TGFBI: variants seen among roughly 807,000 people sequenced by gnomAD.
TGFBI encodes transforming growth factor-beta-induced protein ig-h3.
Under a neutral mutation model 73.7 loss-of-function variants are expected in TGFBI, and 50 were observed. The observed-to-expected ratio is 0.68, with a 90% CI of 0.54 to 0.86. The LOEUF (loss-of-function observed/expected upper bound fraction) is 0.86. TGFBI is among the 40% of genes least tolerant of loss of function. The probability of loss-of-function intolerance (pLI) is 0.00; values close to 1 mark genes in which losing one functional copy is unlikely to be tolerated. For missense variants in TGFBI, 839 were observed against 877.0 expected (o/e 0.96, Z 0.55); for synonymous variants, 362 against 360.5 (o/e 1.00, Z -0.05).
chr5:136,044,278 G>C (rs77954727), intron 3 of TGFBI, among the ~76,000 whole-genome samples, 156 bp downstream of exon 3: 1 of 152,236 alleles, frequency 6.6e-6, no homozygotes, highest in Non-Finnish European at 1.5e-5. Flanking sequence ...GGCTCTATGC[G>C]AGGGGCTGAG....
chr5:136,034,687 C>T (rs1447677311), intron 2 of TGFBI, among the ~76,000 whole-genome samples: 1 of 152,026 alleles, frequency 6.6e-6, no homozygotes, highest in African/African-American at 2.4e-5. Flanking sequence ...TGCCCAGCTC[C>T]CTGGTGGAAT....
Position 136,046,347 on chromosome 5 carries a change from C to T in TGFBI, c.311C>T (p.Ser104Leu). Residue 104 changes from serine (S) to leucine (L), a missense_variant, in exon 4 of 17, where the codon TCA becomes TTA. Transcript: ENST00000442011. ...EKGCPAALPL[S>L]NLYETLGVVG... The stretch of plus-strand genomic sequence containing the variant: ...TCTGCTCCTGCAGCCCTACCACTCT[C>T]AAACCTTTACGAGACCCTGGGAGTC... 1 of 1,613,978 alleles carries T rather than the reference C, an allele frequency of 6.2e-7. No homozygotes were observed. The highest frequency in any genetic ancestry group is 1.1e-5 in the South Asian group (1 of 91,078).
chr5:136,043,935 G>A (rs1751382075), intron 2 of TGFBI, 123 bp from the exon 3 acceptor site: 1 of 769,306 alleles, frequency 1.3e-6, no homozygotes, highest in East Asian at 2.6e-5. Context: ...CTCCTAAGAG[G>A]AGAGTGTTTC....
chr5:136,038,060 A>G lies in TGFBI; in HGVS notation c.233+4199A>G, dbSNP rs1689701769. Among the ~76,000 whole-genome samples the G allele has an allele frequency of 2.6e-5, 4 of 152,316 alleles. No homozygotes were observed. In the South Asian group the frequency reaches 8.3e-4, roughly 32 times the overall value. Reference sequence around the variant, plus strand: ...TGTGCAGCCAGCTGGGATCTCTTGAATAATCTGCTCTGGGGGCACTGAGAT... The same window carrying G: ...TGTGCAGCCAGCTGGGATCTCTTGAGTAATCTGCTCTGGGGGCACTGAGAT... On this transcript the variant is annotated intron_variant, in intron 2 of 16. Coordinates refer to ENST00000442011, the MANE Select transcript of TGFBI (RefSeq NM_000358.3).
At chr5:136,042,454 C>T (rs972194916) in intron 2 of TGFBI, among the ~76,000 whole-genome samples, 2 of 152,232 alleles carry the variant, frequency 1.3e-5, no homozygotes, top group Non-Finnish European at 1.5e-5. Flanking sequence ...GTTTCTCTTA[C>T]ACCACACCAC....
At chr5:136,035,277 A>G (rs562940264) in intron 2 of TGFBI, among the ~76,000 whole-genome samples, 28 of 152,270 alleles carry the variant, frequency 1.8e-4, no homozygotes, top group South Asian at 1.5e-3. Flanking sequence ...ACAAAAGGAG[A>G]CTATGCAAAT....
At chr5:136,058,976 A>G (rs1010509471) in intron 12 of TGFBI, 114 bp from the exon 13 acceptor site, 10 of 1,336,066 alleles carry the variant, frequency 7.5e-6, no homozygotes, top group South Asian at 1.5e-5. Flanking sequence ...TTCCCTGGGC[A>G]GGGAGTTCTT....
chr5:136,052,305 C>T (rs986864920), intron 7 of TGFBI, among the ~76,000 whole-genome samples: 2 of 152,260 alleles, frequency 1.3e-5, no homozygotes, highest in African/African-American at 2.4e-5. Flanking sequence ...ATCACCAAAC[C>T]TTAAGATATA....
At chr5:136,033,705 C>A in intron 1 of TGFBI, 58 bp from the exon 2 acceptor site, 3 of 1,446,804 alleles carry the variant, frequency 2.1e-6, no homozygotes, top group South Asian at 2.4e-5. Flanking sequence ...CGATGGGAGT[C>A]ATTAAAGTGG....
intron 14 of TGFBI, 57 bp from the exon 15 acceptor site, chr5:136,061,443 T>A: frequency 7.6e-7 from 1 of 1,314,760 alleles, no homozygotes; most frequent in East Asian, 2.5e-5. Context: ...ACGGTTGTTA[T>A]GAATGACATG....
intron 7 of TGFBI, among the ~76,000 whole-genome samples, chr5:136,050,876 G>T (rs964181446): frequency 2.6e-5 from 4 of 152,128 alleles, no homozygotes; most frequent in African/African-American, 9.7e-5. Flanking sequence ...GCGCCTGGCC[G>T]GCACTGGGGA....
intron 6 of TGFBI, 54 bp downstream of exon 6, chr5:136,047,474 AG>A: frequency 6.2e-7 from 1 of 1,607,042 alleles, no homozygotes; most frequent in Admixed American, 1.7e-5. Context: ...GCCTCCCAAG[AG>A]GGGCCTAGCA....
intron 1 of TGFBI, among the ~76,000 whole-genome samples, chr5:136,032,752 C>T (rs1392917190): frequency 6.6e-6 from 1 of 152,172 alleles, no homozygotes; most frequent in Non-Finnish European, 1.5e-5. Context: ...CCACGCCTCT[C>T]CTGACTGACC....
At chr5:136,045,097 A>AC (rs1407830759) in intron 3 of TGFBI, among the ~76,000 whole-genome samples, 1 of 152,130 alleles carries the variant, frequency 6.6e-6, no homozygotes, top group Non-Finnish European at 1.5e-5. Context: ...TGTATTGGCT[A>AC]TTTTTTTAGT....
At chr5:136,058,135 T>A (rs1268075951) in intron 12 of TGFBI, among the ~76,000 whole-genome samples, 1 of 152,114 alleles carries the variant, frequency 6.6e-6, no homozygotes, top group Non-Finnish European at 1.5e-5. Context: ...CAGGCAATAT[T>A]TTGTGGAAGG....
At chr5:136,037,386 A>T (rs1346928946) in intron 2 of TGFBI, among the ~76,000 whole-genome samples, 1 of 152,172 alleles carries the variant, frequency 6.6e-6, no homozygotes, top group Non-Finnish European at 1.5e-5. Flanking sequence ...AGTAGCCATA[A>T]AATTTTTTAC....
intron 16 of TGFBI, 31 bp from the exon 17 acceptor site, chr5:136,063,155 C>T (rs1341510383): frequency 6.2e-7 from 1 of 1,607,032 alleles, no homozygotes; most frequent in South Asian, 1.1e-5. Context: ...AGATCTGCAC[C>T]TATTTGACGT....
chr5:136,045,280 C>A (rs920132286), intron 3 of TGFBI, among the ~76,000 whole-genome samples: 2 of 152,038 alleles, frequency 1.3e-5, no homozygotes, highest in Admixed American at 1.3e-4. Context: ...CGGTGGCTCA[C>A]GCCTGTAATC....
chr5:136,038,528 A>C (rs910095586), intron 2 of TGFBI, among the ~76,000 whole-genome samples: 1 of 152,026 alleles, frequency 6.6e-6, no homozygotes, highest in Non-Finnish European at 1.5e-5. Flanking sequence ...CAGCCTGACC[A>C]ACATGGTGAA....
Sources: allele counts gnomAD v4.1 joint callset (sites outside exome capture counted in the v4.1 genomes callset), GRCh38; gene constraint gnomAD v4.1.1; transcripts MANE v1.5; gene names NCBI Gene and HGNC (gene_info 2026-07-23, HGNC 2026-07-21).